MTAP: variants seen among roughly 807,000 people sequenced by gnomAD.
MTAP encodes the protein S-methyl-5'-thioadenosine phosphorylase.
Under a neutral mutation model 33.6 loss-of-function variants are expected in MTAP, and 33 were observed. The ratio of observed to expected loss-of-function variants is 0.98; its 90% CI spans 0.74 to 1.31. The LOEUF (loss-of-function observed/expected upper bound fraction) is 1.31, where lower values mean the gene tolerates loss of function less well. MTAP is among the 40% of genes most tolerant of loss of function. The probability of loss-of-function intolerance (pLI) is 0.00; values close to 1 mark genes in which losing one functional copy is unlikely to be tolerated. For synonymous variants in MTAP, 148 were observed against 125.7 expected (o/e 1.18, Z -1.19); for missense variants, 367 against 360.0 (o/e 1.02, Z -0.16).
chr9:21,890,281 C>T (rs1818178958), intron 1 of MTAP, among the ~76,000 whole-genome samples: 2 of 152,180 alleles, frequency 1.3e-5, no homozygotes, highest in African/African-American at 4.8e-5. Flanking sequence ...GCCAGTCTCA[C>T]TCCCACCACC....
At position 21,862,829 on chromosome 9, in the gene MTAP, G is replaced by A; in HGVS notation, c.*815G>A. The A allele has an allele frequency of 2.2e-6, 1 of 459,526 alleles. No homozygotes were observed. 28.5% of individuals were successfully genotyped at this position (459,526 alleles called of 1,614,324 possible). ...ATATAACCTTGTTATTGTATTTGGG[G>A]GAGGGATACTGGGATAATTTTTATT... On this transcript the variant is annotated 3_prime_UTR_variant, in exon 8 of 8. Coordinates refer to ENST00000644715, the MANE Select transcript of MTAP (RefSeq NM_002451.4).
At chr9:21,881,454 A>G (rs1455863823) in intron 1 of MTAP, among the ~76,000 whole-genome samples, 1 of 152,048 alleles carries the variant, frequency 6.6e-6, no homozygotes, top group African/African-American at 2.4e-5. Context: ...AAAGGACACA[A>G]TCAACATTGT....
At chr9:21,804,354 T>A (rs113596636) in intron 1 of MTAP, among the ~76,000 whole-genome samples, 4 of 152,192 alleles carry the variant, frequency 2.6e-5, no homozygotes, top group Non-Finnish European at 5.9e-5. Context: ...TTTAAAACAG[T>A]CTTACTTTAA....
At chr9:21,901,045 T>C (rs895344608) in intron 1 of MTAP, among the ~76,000 whole-genome samples, 1 of 152,142 alleles carries the variant, frequency 6.6e-6, no homozygotes, top group African/African-American at 2.4e-5. Context: ...AGAGTTAGGA[T>C]TGAAAAACTA....
chr9:21,847,610 A>G (rs1003747993), intron 5 of MTAP, among the ~76,000 whole-genome samples: 1 of 152,230 alleles, frequency 6.6e-6, no homozygotes, highest in African/African-American at 2.4e-5. Context: ...GACTCTGTAC[A>G]TAATACCTTT....
intron 1 of MTAP, among the ~76,000 whole-genome samples, chr9:21,916,566 T>C (rs997082996): frequency 6.6e-6 from 1 of 151,704 alleles, no homozygotes; most frequent in Non-Finnish European, 1.5e-5. Flanking sequence ...GCCGAGATCA[T>C]GCCACTGCAC....
At chr9:21,815,897 A>G (rs1327612277) in intron 2 of MTAP, among the ~76,000 whole-genome samples, 1 of 152,206 alleles carries the variant, frequency 6.6e-6, no homozygotes, top group African/African-American at 2.4e-5. Flanking sequence ...GCTGATGACT[A>G]ATAGGATGAA....
intron 4 of MTAP, among the ~76,000 whole-genome samples, chr9:21,821,736 C>T (rs2118110614): frequency 6.6e-6 from 1 of 152,280 alleles, no homozygotes; most frequent in Non-Finnish European, 1.5e-5. Context: ...TAGAATTCGG[C>T]TGTGAATCCA....
rs1825769234 is a variant in MTAP, at chr9:21,862,245, AT to A, written c.*232del. Reference sequence around the variant, plus strand: ...ATGACTAGTAAACATGTGGGAAAAAATATTACATTTTAAGGGGGAAAAAAAA... The same window carrying A: ...ATGACTAGTAAACATGTGGGAAAAAAATTACATTTTAAGGGGGAAAAAAAA... On this transcript the variant is annotated 3_prime_UTR_variant, in exon 8 of 8. Transcript: ENST00000644715. The A allele has an allele frequency of 4.5e-6, 5 of 1,117,074 alleles. No individual in the cohort carries two copies. In the South Asian group the frequency reaches 1.1e-4, roughly 25 times the overall value. The allele number at this position is 1,117,074 out of a possible 1,614,324, so 69.2% of individuals were successfully genotyped here. A position where few individuals can be genotyped will look rare whatever the true frequency, so the allele number is the denominator to read the frequency against.
intron 7 of MTAP, chr9:21,861,496 A>G (rs927941275): frequency 6.5e-6 from 1 of 154,792 alleles, no homozygotes; most frequent in East Asian, 1.9e-4. Flanking sequence ...TAGCACTGAA[A>G]TGTGTATCAT....
At chr9:21,920,248 C>G (rs1472123737) in intron 1 of MTAP, among the ~76,000 whole-genome samples, 2 of 152,012 alleles carry the variant, frequency 1.3e-5, no homozygotes, top group African/African-American at 2.4e-5. Context: ...AAAAAATTAG[C>G]CCATGACCAG....
intron 1 of MTAP, among the ~76,000 whole-genome samples, chr9:21,886,799 G>C (rs924628471): frequency 2.5e-4 from 38 of 152,226 alleles, no homozygotes; most frequent in African/African-American, 9.1e-4. Flanking sequence ...GCGTATGTGT[G>C]CCTGTTTTTA....
At position 21,854,690 on chromosome 9, in the gene MTAP, C is replaced by T; in HGVS notation, c.510C>T (p.Val170=). ...GLRCHSKGTM[V]TIEGPRFSSR... is the part of the protein sequence containing the mutation. ...GGTGCCACTCAAAGGGGACAATGGT[C>T]ACAATCGAGGGACCTCGTTTTAGCT... The change falls in exon 6 of 8, where the codon GTC becomes GTT. Residue 170 remains valine (V), a synonymous_variant. Transcript: ENST00000644715. 1 of 1,613,756 alleles carries T rather than the reference C, an allele frequency of 6.2e-7. No individual in the cohort carries two copies. Among genetic ancestry groups the T allele is most frequent in the Non-Finnish European group, 8.5e-7 (1 of 1,179,748 alleles).
At chr9:21,839,188 T>A (rs866587171) in intron 5 of MTAP, among the ~76,000 whole-genome samples, 1,541 of 150,338 alleles carry the variant, frequency 0.01, 27 homozygotes, top group African/African-American at 0.035. Flanking sequence ...TTTTTTTTTT[T>A]AAAAAAGTGG....
Position 21,872,249 on chromosome 9 carries a change from G to A in MTAP, c.147+17379G>A, listed in dbSNP as rs888826593. Among the ~76,000 whole-genome samples the A allele has an allele frequency of 3.0e-4, 46 of 152,120 alleles. 1 individual carries two copies. The highest frequency in any genetic ancestry group is 1.1e-3 in the African/African-American group (44 of 41,420). On this transcript the variant is annotated intron_variant, in intron 1 of 1. Coordinates refer to the MTAP transcript ENST00000577563. ...GGAAAATAGCTTGAACCCAGAAGGCGGGAGGTTGCAGTGAGCCAAGATTGC... is the reference window on the plus strand; with the variant it reads ...GGAAAATAGCTTGAACCCAGAAGGCAGGAGGTTGCAGTGAGCCAAGATTGC...
At chr9:21,910,141 T>C (rs895739271) in intron 1 of MTAP, among the ~76,000 whole-genome samples, 2 of 152,258 alleles carry the variant, frequency 1.3e-5, no homozygotes, top group South Asian at 4.1e-4. Flanking sequence ...AATATCTCCA[T>C]AAGAAGATAT....
intron 1 of MTAP, among the ~76,000 whole-genome samples, chr9:21,895,906 C>T (rs1350369716): frequency 6.6e-6 from 1 of 152,132 alleles, no homozygotes; most frequent in African/African-American, 2.4e-5. Context: ...CTGCACCAAG[C>T]GGACCTAATA....
chr9:21,821,793 C>T (rs2118111469), intron 4 of MTAP, among the ~76,000 whole-genome samples: 1 of 152,292 alleles, frequency 6.6e-6, no homozygotes, highest in South Asian at 2.1e-4. Flanking sequence ...ATTATTGCCT[C>T]AACTTCAGAG....
intron 1 of MTAP, among the ~76,000 whole-genome samples, chr9:21,890,489 A>G (rs1481968199): frequency 6.6e-6 from 1 of 151,908 alleles, no homozygotes; most frequent in African/African-American, 2.4e-5. Context: ...GATTGGTCAA[A>G]ATTATTACAG....
Sources: allele counts gnomAD v4.1 joint callset (sites outside exome capture counted in the v4.1 genomes callset), GRCh38; gene constraint gnomAD v4.1.1; transcripts MANE v1.5; gene names NCBI Gene and HGNC (gene_info 2026-07-23, HGNC 2026-07-21).